ACOT8: variants seen among roughly 807,000 people sequenced by gnomAD.
ACOT8 encodes acyl-CoA thioesterase 8.
Under a neutral mutation model 38.4 loss-of-function variants are expected in ACOT8, and 31 were observed. The observed-to-expected ratio is 0.81, with a 90% CI of 0.61 to 1.09. The LOEUF (loss-of-function observed/expected upper bound fraction) is 1.09, where lower values mean the gene tolerates loss of function less well. Among genes scored for constraint, ACOT8 ranks in the 50% least tolerant of loss-of-function variants. The probability of loss-of-function intolerance (pLI) is 0.00; values close to 1 mark genes in which losing one functional copy is unlikely to be tolerated. For synonymous variants in ACOT8, 158 were observed against 170.3 expected (o/e 0.93, Z 0.56); for missense variants, 373 against 421.8 (o/e 0.88, Z 1.01).
At chr20:45,855,464 T>C (rs982267236) in intron 1 of ACOT8, among the ~76,000 whole-genome samples, 172 bp from the exon 2 acceptor site, 3 of 152,134 alleles carry the variant, frequency 2.0e-5, no homozygotes, top group Admixed American at 1.3e-4. Flanking sequence ...TGCATAAAAA[T>C]CCTCTGGGCC....
At chr20:45,844,157 A>T in intron 4 of ACOT8, 106 bp downstream of exon 4, 1 of 1,474,326 alleles carries the variant, frequency 6.8e-7, no homozygotes, top group Non-Finnish European at 9.4e-7. Context: ...TCATGCAGAT[A>T]AGGAAACAGG....
chr20:45,851,464 T>A (rs74174979), intron 2 of ACOT8, among the ~76,000 whole-genome samples: 4,681 of 152,352 alleles, frequency 0.031, 201 homozygotes, highest in Admixed American at 0.13. Flanking sequence ...TACTCTGGTC[T>A]ACCTTTCAGT....
intron 5 of ACOT8, chr20:45,843,284 C>T: frequency 1.4e-6 from 1 of 695,606 alleles, no homozygotes; most frequent in Non-Finnish European, 2.5e-6. Flanking sequence ...GGTTTTGGGA[C>T]TAGAACTGGG....
At chr20:45,857,160 G>T (rs185359168) in intron 1 of ACOT8, 28 bp downstream of exon 1, 2 of 1,603,784 alleles carry the variant, frequency 1.2e-6, no homozygotes, top group Non-Finnish European at 1.7e-6. Flanking sequence ...CCTAAAGGAG[G>T]GGATGCTGGG....
At chr20:45,843,313 T>C in intron 5 of ACOT8, 1 of 765,094 alleles carries the variant, frequency 1.3e-6, no homozygotes, top group Non-Finnish European at 2.2e-6. Context: ...AGAAGGTGAA[T>C]CACATTTCCA....
Position 45,855,299 on chromosome 20 carries a change from GGA to G in ACOT8, c.129-9_129-8del, listed in dbSNP as rs1985342682. The G allele has an allele frequency of 6.2e-7, 1 of 1,613,874 alleles. No homozygotes were observed. Among genetic ancestry groups the G allele is most frequent in the East Asian group, 2.2e-5 (1 of 44,882 alleles). ...TACCCAGTAATGCCTTCCTCTGTAG[GGA>G]GAGGGGGAAAGAGGGAAAGACTTGG... On this transcript the variant is annotated splice_polypyrimidine_tract_variant and splice_region_variant and intron_variant, in intron 1 of 5. Transcript: ENST00000217455.
At chr20:45,857,139 C>G in intron 1 of ACOT8, 49 bp downstream of exon 1, 2 of 1,577,730 alleles carry the variant, frequency 1.3e-6, no homozygotes, top group Non-Finnish European at 1.7e-6. Flanking sequence ...CAGTCAAGAT[C>G]AAGTTTCTGC....
intron 2 of ACOT8, among the ~76,000 whole-genome samples, chr20:45,850,084 C>T (rs1440025528): frequency 3.3e-5 from 5 of 152,170 alleles, no homozygotes; most frequent in Non-Finnish European, 7.3e-5. Context: ...GTGGCACACA[C>T]CTGTAATCCT....
At chr20:45,842,060 C>T in intron 5 of ACOT8, 104 bp from the exon 6 acceptor site, 1 of 1,544,330 alleles carries the variant, frequency 6.5e-7, no homozygotes. Flanking sequence ...AGGCTGGTCT[C>T]AAGCGCCTGG....
At chr20:45,856,509 G>A (rs1351196576) in intron 1 of ACOT8, among the ~76,000 whole-genome samples, 7 of 152,094 alleles carry the variant, frequency 4.6e-5, no homozygotes, top group East Asian at 1.9e-4. Flanking sequence ...GTGAAACCCC[G>A]TCTCTACTAA....
chr20:45,852,855 G>A (rs1326445283), intron 2 of ACOT8, among the ~76,000 whole-genome samples: 2 of 152,000 alleles, frequency 1.3e-5, no homozygotes. Context: ...TGCAACCTCC[G>A]CCTCCTGAGT....
At chr20:45,851,461 G>T (rs778737912) in intron 2 of ACOT8, among the ~76,000 whole-genome samples, 1 of 152,188 alleles carries the variant, frequency 6.6e-6, no homozygotes, top group Non-Finnish European at 1.5e-5. Context: ...CAGTACTCTG[G>T]TCTACCTTTC....
Position 45,855,149 on chromosome 20 carries a change from G to A in ACOT8, c.262+10C>T. 2 of 1,613,578 alleles carry A rather than the reference G, an allele frequency of 1.2e-6. No homozygotes were observed. Among genetic ancestry groups the A allele is most frequent in the Non-Finnish European group, 1.7e-6 (2 of 1,179,706 alleles). Reference sequence around the variant, plus strand: ...CAGGGTTGGGTTGGGGCAGGAAGTGGGGGGTTTACCTGCCCGAACAAAGTA... The same window carrying A: ...CAGGGTTGGGTTGGGGCAGGAAGTGAGGGGTTTACCTGCCCGAACAAAGTA... On this transcript the variant is annotated intron_variant, in intron 2 of 5. Transcript: ENST00000217455.
At chr20:45,842,347 A>C in intron 5 of ACOT8, 1 of 1,373,226 alleles carries the variant, frequency 7.3e-7, no homozygotes. Flanking sequence ...TCACAGAGGG[A>C]GGAGCTCTGA....
chr20:45,841,872 C>G lies in ACOT8; in HGVS notation c.926G>C (p.Arg309Pro). The change falls in exon 6 of 6, where the codon CGA becomes CCA. Residue 309 changes from arginine (R) to proline (P), a missense_variant. Transcript: ENST00000217455. ...AVTCAQEGVI[R>P]VKPQVSESKL ...GCTCTCTGAGACCTGGGGCTTCACT[C>G]GGATCACGCCCTCCTGGGCACAGGT... 1 of 1,608,588 alleles carries G rather than the reference C, an allele frequency of 6.2e-7. No individual in the cohort carries two copies. Among genetic ancestry groups the G allele is most frequent in the Non-Finnish European group, 8.5e-7 (1 of 1,178,420 alleles).
Sources: gnomAD v4.1 joint callset for allele counts (sites outside exome capture counted in the v4.1 genomes callset) on GRCh38, gnomAD v4.1.1 for gene constraint, MANE v1.5 for transcripts, NCBI Gene and HGNC (gene_info 2026-07-23, HGNC 2026-07-21) for gene names.